Variants in NCALD observed in about 807,000 individuals in gnomAD.
NCALD encodes the protein neurocalcin delta.
Under a neutral mutation model 18.6 loss-of-function variants are expected in NCALD, and 10 were observed. The observed-to-expected ratio is 0.54, with a 90% CI of 0.33 to 0.91. The LOEUF is 0.91. NCALD is among the 40% of genes least tolerant of loss of function. The pLI, the probability that NCALD is intolerant of heterozygous loss-of-function variation, is 0.03. For synonymous variants in NCALD, 88 were observed against 87.4 expected, an observed-to-expected ratio of 1.01 and a Z score of -0.04; for missense variants, 184 against 247.6, an observed-to-expected ratio of 0.74 and a Z score of 1.72.
intron 4 of NCALD, among the ~76,000 whole-genome samples, chr8:101,876,692 AAG>A (rs967024020): frequency 1.4e-4 from 22 of 152,352 alleles, no homozygotes; most frequent in African/African-American, 5.3e-4. Flanking sequence ...TTAGATGAGA[AAG>A]AAAATAAAAT....
At chr8:101,935,178 C>CA (rs370253324) in intron 2 of NCALD, among the ~76,000 whole-genome samples, 16 of 145,966 alleles carry the variant, frequency 1.1e-4, no homozygotes, top group African/African-American at 1.8e-4. Flanking sequence ...AATTACAAGG[C>CA]AAAAAAAAAA....
intron 2 of NCALD, among the ~76,000 whole-genome samples, chr8:101,972,750 A>G (rs1333752445): frequency 6.6e-6 from 1 of 152,236 alleles, no homozygotes; most frequent in Non-Finnish European, 1.5e-5. Flanking sequence ...TTGAAAGATG[A>G]GTAAACCCTT....
chr8:101,982,501 T>TA (rs2131945488), intron 2 of NCALD, among the ~76,000 whole-genome samples: 1 of 152,148 alleles, frequency 6.6e-6, no homozygotes, highest in East Asian at 1.9e-4. Flanking sequence ...AGGCTTCTCA[T>TA]AAAAAAAGGG....
At chr8:102,060,617 A>C (rs1053949788) in intron 1 of NCALD, among the ~76,000 whole-genome samples, 5 of 152,160 alleles carry the variant, frequency 3.3e-5, no homozygotes, top group African/African-American at 1.2e-4. Flanking sequence ...CCAGAGCTTG[A>C]TGATTAAAAC....
chr8:102,063,507 A>C (rs1823910939), intron 1 of NCALD, among the ~76,000 whole-genome samples: 1 of 152,198 alleles, frequency 6.6e-6, no homozygotes, highest in African/African-American at 2.4e-5. Flanking sequence ...ATCTGGAATA[A>C]GTAGATAAAG....
intron 1 of NCALD, among the ~76,000 whole-genome samples, chr8:102,089,820 T>C (rs1824864057): frequency 1.3e-5 from 2 of 152,334 alleles, no homozygotes; most frequent in South Asian, 4.1e-4. Context: ...GGAAATTCTG[T>C]GTGTGAACTA....
intron 4 of NCALD, among the ~76,000 whole-genome samples, chr8:101,863,866 A>G (rs1348086288): frequency 6.6e-6 from 1 of 152,198 alleles, no homozygotes; most frequent in African/African-American, 2.4e-5. Flanking sequence ...GGCAAGAAAC[A>G]GCAAACCAGG....
chr8:101,866,848 C>T (rs751238976), intron 4 of NCALD, among the ~76,000 whole-genome samples: 3 of 152,146 alleles, frequency 2.0e-5, no homozygotes, highest in Non-Finnish European at 4.4e-5. Context: ...CTTCAGAATG[C>T]GGCAGCCAGA....
chr8:101,950,623 G>A (rs1367863040), intron 2 of NCALD, among the ~76,000 whole-genome samples: 4 of 152,210 alleles, frequency 2.6e-5, no homozygotes, highest in Non-Finnish European at 2.9e-5. Context: ...TTGGCCCGTG[G>A]AATGTGGGCA....
At chr8:101,871,819 C>G in intron 4 of NCALD, 1 of 422,900 alleles carries the variant, frequency 2.4e-6, no homozygotes, top group Non-Finnish European at 4.3e-6. Context: ...CATGTGATAG[C>G]AGCTGCAGCC....
intron 1 of NCALD, among the ~76,000 whole-genome samples, chr8:102,101,450 G>T (rs978128967): frequency 6.6e-6 from 1 of 152,258 alleles, no homozygotes; most frequent in Non-Finnish European, 1.5e-5. Context: ...AACGAAGGCT[G>T]CATTGGATCC....
chr8:102,021,443 C>T (rs1450463041), intron 1 of NCALD, among the ~76,000 whole-genome samples: 1 of 152,108 alleles, frequency 6.6e-6, no homozygotes, highest in Non-Finnish European at 1.5e-5. Flanking sequence ...TTATTTTATA[C>T]ATATTAAAAG....
chr8:102,074,685 C>T (rs886702469), intron 1 of NCALD, among the ~76,000 whole-genome samples: 4 of 152,198 alleles, frequency 2.6e-5, no homozygotes, highest in East Asian at 1.9e-4. Context: ...AAATCCTCCA[C>T]CTCTTCCTGT....
At chr8:101,904,290 TCCCCCG>T (rs1010546248) in intron 3 of NCALD, among the ~76,000 whole-genome samples, 2 of 151,882 alleles carry the variant, frequency 1.3e-5, no homozygotes, top group Non-Finnish European at 2.9e-5. Flanking sequence ...CAGCCTGAGT[TCCCCCG>T]CCCCCGCTCC....
At chr8:101,968,048 G>C (rs894916134) in intron 2 of NCALD, among the ~76,000 whole-genome samples, 5 of 152,166 alleles carry the variant, frequency 3.3e-5, no homozygotes, top group African/African-American at 7.2e-5. Context: ...CCCCTTAAGA[G>C]GTGTTAAGCA....
chr8:102,032,215 A>G (rs538226465), intron 1 of NCALD, among the ~76,000 whole-genome samples: 3 of 152,288 alleles, frequency 2.0e-5, no homozygotes, highest in East Asian at 3.9e-4. Flanking sequence ...AGCAAGTCCT[A>G]TGGATACAAG....
chr8:102,071,064 T>C (rs1157205876), intron 1 of NCALD, among the ~76,000 whole-genome samples: 1 of 152,096 alleles, frequency 6.6e-6, no homozygotes, highest in Admixed American at 6.5e-5. Flanking sequence ...GGTTCAGGGA[T>C]CCATCTGCTC....
chr8:101,979,546 G>C (rs553988724), intron 2 of NCALD, among the ~76,000 whole-genome samples: 1 of 152,334 alleles, frequency 6.6e-6, no homozygotes, highest in Non-Finnish European at 1.5e-5. Flanking sequence ...GAAATCTCAG[G>C]ATGGGAAGAG....
chr8:101,848,684 TA>T (rs1814970481), intron 4 of NCALD, among the ~76,000 whole-genome samples: 1 of 152,156 alleles, frequency 6.6e-6, no homozygotes, highest in Non-Finnish European at 1.5e-5. Flanking sequence ...GTTTTCCATT[TA>T]AAGGATAAGA....
Sources: allele counts gnomAD v4.1 joint callset (sites outside exome capture counted in the v4.1 genomes callset), GRCh38; gene constraint gnomAD v4.1.1; transcripts MANE v1.5; gene names NCBI Gene and HGNC (gene_info 2026-07-23, HGNC 2026-07-21).